SP140L: variants seen among roughly 807,000 people sequenced by gnomAD.
The protein encoded by SP140L is nuclear body protein SP140-like protein.
In SP140L, 64 loss-of-function variants were observed where a neutral mutation model predicts 84.3. The ratio of observed to expected loss-of-function variants is 0.76; its 90% CI spans 0.62 to 0.94. The LOEUF is 0.94. SP140L is among the 40% of genes least tolerant of loss of function. The pLI, the probability that SP140L is intolerant of heterozygous loss-of-function variation, is 0.00. For synonymous variants in SP140L, 242 were observed against 236.9 expected (o/e 1.02, Z -0.20); for missense variants, 628 against 692.5 (o/e 0.91, Z 1.05).
intron 2 of SP140L, among the ~76,000 whole-genome samples, chr2:230,332,666 T>G (rs2059758830): frequency 6.6e-6 from 1 of 152,274 alleles, no homozygotes; most frequent in African/African-American, 2.4e-5. Flanking sequence ...AAAATAACTA[T>G]TGCCCTCTTA....
chr2:230,379,181 C>T (rs1253729082), intron 7 of SP140L, among the ~76,000 whole-genome samples: 1 of 151,998 alleles, frequency 6.6e-6, no homozygotes, highest in Non-Finnish European at 1.5e-5. Context: ...ATCTGATAAT[C>T]TTAGCTTTTT....
At chr2:230,360,649 G>T (rs1336084302) in intron 4 of SP140L, among the ~76,000 whole-genome samples, 1 of 152,094 alleles carries the variant, frequency 6.6e-6, no homozygotes, top group African/African-American at 2.4e-5. Flanking sequence ...TGGACTGCAG[G>T]GATTCCCTTC....
At chr2:230,392,572 A>G (rs1417124077) in intron 12 of SP140L, among the ~76,000 whole-genome samples, 1 of 152,232 alleles carries the variant, frequency 6.6e-6, no homozygotes, top group Non-Finnish European at 1.5e-5. Flanking sequence ...TGACCTGAAA[A>G]CCAGAATGGC....
intron 5 of SP140L, among the ~76,000 whole-genome samples, chr2:230,365,887 A>T (rs1462327252): frequency 6.6e-6 from 1 of 151,970 alleles, no homozygotes; most frequent in Non-Finnish European, 1.5e-5. Context: ...TCATTGGCCT[A>T]TTGGCTGCTC....
rs1486646330 is a variant in SP140L at position 230,341,254 on chromosome 2, G to A, written c.107+12423G>A. The stretch of plus-strand genomic sequence containing the variant: ...CATTTCATTCATTTCATCTTCCATC[G>A]CTGATACCCTTTGTTCCAGTTGATC... On this transcript the variant is annotated intron_variant, in intron 2 of 18. Transcript: ENST00000415673. Among the ~76,000 whole-genome samples the A allele has an allele frequency of 1.0e-4, 15 of 145,118 alleles. No homozygotes were observed. The South Asian group carries it at 2.5e-3, about 24-fold the overall frequency.
At position 230,390,022 on chromosome 2, in the gene SP140L, A is replaced by G; in HGVS notation, c.963A>G (p.Gln321=). The G allele has an allele frequency of 1.2e-6, 2 of 1,612,748 alleles. No individual in the cohort carries two copies. Among genetic ancestry groups the G allele is most frequent in the Non-Finnish European group, 1.7e-6 (2 of 1,179,126 alleles). The change falls in exon 11 of 19, where the codon CAA becomes CAG. Residue 321 remains glutamine, a splice_region_variant and synonymous_variant. Coordinates refer to ENST00000415673, the MANE Select transcript of SP140L (RefSeq NM_138402.6). ...TTTTACATAAGGAGAAATTGGAACAAGGTGGGTTTCATAGTCTTCTTTAAT... is the reference window on the plus strand; with the variant it reads ...TTTTACATAAGGAGAAATTGGAACAGGGTGGGTTTCATAGTCTTCTTTAAT... ...KGILHKEKLE[Q]GTLAKCIQTE... is the part of the protein sequence containing the mutation.
chr2:230,358,026 T>C (rs1212432772), intron 3 of SP140L, 59 bp downstream of exon 3: 1 of 1,582,880 alleles, frequency 6.3e-7, no homozygotes, highest in Non-Finnish European at 8.6e-7. Flanking sequence ...CAAGTATTTC[T>C]GTAAGTGCTC....
At chr2:230,350,427 G>A (rs1189871067) in intron 2 of SP140L, among the ~76,000 whole-genome samples, 1 of 152,170 alleles carries the variant, frequency 6.6e-6, no homozygotes, top group South Asian at 2.1e-4. Context: ...CAGGTTTAGA[G>A]GTATGTGTTA....
Position 230,392,226 on chromosome 2 carries a change from G to A in SP140L, c.1104G>A (p.Met368Ile), listed in dbSNP as rs752350925. ...GCGGGTGGCCCCTACGACGGCTGAT[G>A]GAGGTATTCCAATGACAAGAGGCCA... is the stretch of plus-strand genomic sequence containing the variant. ...RCGGWPLRRL[M>I]EEGSLPNPPR... The change falls in exon 12 of 19, where the codon ATG becomes ATA. Residue 368 changes from methionine to isoleucine, a missense_variant. This residue lies in a region of SP140L where 525 missense variants were observed against 518.4 expected (regional missense o/e 1.01). Transcript: ENST00000415673. 14 of 1,613,758 alleles carry A rather than the reference G, an allele frequency of 8.7e-6. No homozygotes were observed. Among genetic ancestry groups the A allele is most frequent in the Admixed American group, 1.7e-5 (1 of 59,982 alleles).
chr2:230,377,999 T>C (rs528057109), intron 7 of SP140L, among the ~76,000 whole-genome samples: 1 of 152,324 alleles, frequency 6.6e-6, no homozygotes, highest in East Asian at 1.9e-4. Context: ...TAGTTTGAGC[T>C]AAAGATTGAT....
intron 5 of SP140L, among the ~76,000 whole-genome samples, chr2:230,366,710 C>CA (rs1553620448): frequency 6.9e-6 from 1 of 144,588 alleles, no homozygotes; most frequent in South Asian, 2.2e-4. Context: ...GGATTATTAT[C>CA]TATTATTATT....
intron 2 of SP140L, among the ~76,000 whole-genome samples, chr2:230,330,400 C>T (rs574850194): frequency 8.5e-5 from 13 of 152,270 alleles, no homozygotes; most frequent in African/African-American, 2.6e-4. Flanking sequence ...ACTGCCGTAG[C>T]GATGGAGGCT....
At chr2:230,400,814 T>G in intron 15 of SP140L, 141 bp from the exon 16 acceptor site, 1 of 1,575,322 alleles carries the variant, frequency 6.3e-7, no homozygotes, top group Non-Finnish European at 8.6e-7. Flanking sequence ...CATGTGCAGT[T>G]CTTGGATACT....
intron 13 of SP140L, among the ~76,000 whole-genome samples, chr2:230,394,770 A>G (rs556010196): frequency 1.3e-5 from 2 of 152,278 alleles, no homozygotes; most frequent in South Asian, 4.1e-4. Context: ...TATGAACTCC[A>G]TGGGTCCTCT....
chr2:230,395,216 T>G (rs765546934), intron 13 of SP140L, among the ~76,000 whole-genome samples: 3 of 152,196 alleles, frequency 2.0e-5, no homozygotes, highest in Non-Finnish European at 2.9e-5. Flanking sequence ...ATTCATTTAT[T>G]CACCCATTGA....
intron 2 of SP140L, among the ~76,000 whole-genome samples, chr2:230,354,550 T>G (rs1195328797): frequency 6.6e-6 from 1 of 152,078 alleles, no homozygotes; most frequent in Non-Finnish European, 1.5e-5. Context: ...GGAGGATCAC[T>G]TGAAGCCAGG....
At chr2:230,377,745 C>T (rs920480259) in intron 7 of SP140L, among the ~76,000 whole-genome samples, 2 of 152,180 alleles carry the variant, frequency 1.3e-5, no homozygotes, top group African/African-American at 4.8e-5. Flanking sequence ...ATTATGCCCT[C>T]TTGCATTCCC....
In SP140L at chr2:230,403,135, CACAG is replaced by C. The variant is rs1241028373; in HGVS notation, c.*246_*249del. On this transcript the variant is annotated 3_prime_UTR_variant, in exon 19 of 19. Transcript: ENST00000415673. ...GGAAGGAGATTGGAGGTGATACCAGCACAGACAGACTCTCACCTCTTCTCCTGAG... is the reference window on the plus strand; with the variant it reads ...GGAAGGAGATTGGAGGTGATACCAGCACAGACTCTCACCTCTTCTCCTGAG... The C allele has an allele frequency of 8.9e-6, 4 of 447,268 alleles. No individual in the cohort carries two copies. The highest frequency in any genetic ancestry group is 8.2e-5 in the African/African-American group (4 of 48,682). 27.7% of individuals were successfully genotyped at this position (447,268 alleles called of 1,614,324 possible).
chr2:230,355,620 A>C (rs1320248958), intron 2 of SP140L, among the ~76,000 whole-genome samples: 1 of 152,218 alleles, frequency 6.6e-6, no homozygotes, highest in Non-Finnish European at 1.5e-5. Flanking sequence ...TGACTTCAAG[A>C]CTTTCTTTAA....
Sources: gnomAD v4.1 joint callset for allele counts (sites outside exome capture counted in the v4.1 genomes callset) on GRCh38, gnomAD v4.1.1 for gene constraint, gnomAD v4.1.1 regional missense constraint, MANE v1.5 for transcripts, NCBI Gene and HGNC (gene_info 2026-07-23, HGNC 2026-07-21) for gene names.